The following MAN2A1 variants were observed in gnomAD, a reference collection of about 807,000 sequenced individuals.
MAN2A1 encodes the protein mannosidase alpha class 2A member 1.
MAN2A1 carries 76 observed loss-of-function variants against 142.6 expected under a neutral mutation model. The observed-to-expected ratio is 0.53, with a 90% CI of 0.44 to 0.65. MAN2A1 has a LOEUF of 0.65. Among genes scored for constraint, MAN2A1 ranks in the 30% least tolerant of loss-of-function variants. MAN2A1 has a pLI of 0.00. For missense variants in MAN2A1, 1,311 were observed against 1,365.1 expected (o/e 0.96, Z 0.62); for synonymous variants, 559 against 473.2 (o/e 1.18, Z -2.35).
chr5:109,704,387 T>C (rs929395847), intron 1 of MAN2A1, among the ~76,000 whole-genome samples: 18 of 152,222 alleles, frequency 1.2e-4, no homozygotes, highest in African/African-American at 4.3e-4. Flanking sequence ...TTTCTTTGAA[T>C]GGACAAGTGG....
rs1582787187 is a variant in MAN2A1 at position 109,690,008 on chromosome 5, G to A, written c.-410G>A. On this transcript the variant is annotated 5_prime_UTR_variant, in exon 1 of 22. Coordinates refer to ENST00000261483, the MANE Select transcript of MAN2A1 (RefSeq NM_002372.4). ...ACCCGCGCCTCCCCTGGGTGAGGAG[G>A]ACACGCCTGCCCTCGTCGAGAAAAC... is the stretch of plus-strand genomic sequence containing the variant. 5.1e-6 allele frequency: 1 copy of A among 195,138 alleles called. No homozygotes were observed. Among genetic ancestry groups the A allele is most frequent in the Non-Finnish European group, 1.1e-5 (1 of 93,976 alleles). The allele number at this position is 195,138 out of a possible 1,614,324, so 12.1% of individuals were successfully genotyped here.
chr5:109,812,158 A>G (rs1754337182), intron 12 of MAN2A1, among the ~76,000 whole-genome samples: 1 of 152,140 alleles, frequency 6.6e-6, no homozygotes, highest in South Asian at 2.1e-4. Context: ...TAAACATTTT[A>G]TAATTTAACA....
At chr5:109,807,587 G>C (rs1366148361) in intron 12 of MAN2A1, among the ~76,000 whole-genome samples, 1 of 151,990 alleles carries the variant, frequency 6.6e-6, no homozygotes, top group South Asian at 2.1e-4. Flanking sequence ...CCATCCACTT[G>C]GTTCTGTTGT....
chr5:109,727,132 G>A (rs1197634554), intron 3 of MAN2A1, among the ~76,000 whole-genome samples: 1 of 152,110 alleles, frequency 6.6e-6, no homozygotes, highest in Non-Finnish European at 1.5e-5. Flanking sequence ...TTCTTGGATG[G>A]TAATGACGCT....
intron 15 of MAN2A1, among the ~76,000 whole-genome samples, chr5:109,821,543 C>T (rs1754622859): frequency 6.6e-6 from 1 of 152,112 alleles, no homozygotes; most frequent in South Asian, 2.1e-4. Context: ...ATCCCACCAG[C>T]ATTTTTTGAG....
intron 12 of MAN2A1, among the ~76,000 whole-genome samples, chr5:109,805,825 C>T (rs1226813307): frequency 6.6e-6 from 1 of 152,196 alleles, no homozygotes; most frequent in East Asian, 1.9e-4. Context: ...GAAGAGACTA[C>T]TGTGGACAAT....
chr5:109,832,374 C>T (rs1754934249), intron 16 of MAN2A1, among the ~76,000 whole-genome samples: 1 of 151,650 alleles, frequency 6.6e-6, no homozygotes, highest in African/African-American at 2.4e-5. Context: ...GTGGTGATGA[C>T]TCTTAACGAG....
At chr5:109,763,603 T>G (rs2112640115) in intron 5 of MAN2A1, among the ~76,000 whole-genome samples, 1 of 152,160 alleles carries the variant, frequency 6.6e-6, no homozygotes, top group African/African-American at 2.4e-5. Context: ...TGTGCCATGC[T>G]GGTGTGCTGC....
intron 20 of MAN2A1, chr5:109,863,141 G>A (rs1755797353): frequency 6.6e-6 from 1 of 152,130 alleles, no homozygotes; most frequent in Non-Finnish European, 1.5e-5. Flanking sequence ...AATGCTTTAG[G>A]TTAGTAGTGA....
chr5:109,856,520 G>A (rs918354951), intron 20 of MAN2A1, among the ~76,000 whole-genome samples: 2 of 152,220 alleles, frequency 1.3e-5, no homozygotes, highest in East Asian at 1.9e-4. Context: ...CTTGTAAAGG[G>A]GCCTGTCTTT....
Position 109,784,745 on chromosome 5 carries a change from G to A in MAN2A1, c.1579G>A (p.Ala527Thr). ...MDRIMESHLR[A>T]AEILYYFALR... ...AAAATATGACTTTTATGCAATTAGG[G>A]CTGCTGAAATTCTTTACTATTTCGC... The change falls in exon 10 of 22, where the codon GCT (alanine) becomes ACT (threonine). Residue 527 changes from alanine (A) to threonine (T), a missense_variant and splice_region_variant. Transcript: ENST00000261483. 1.3e-6 allele frequency: 2 copies of A among 1,586,354 alleles called. No individual in the cohort carries two copies. Among genetic ancestry groups the A allele is most frequent in the Non-Finnish European group, 1.7e-6 (2 of 1,169,684 alleles).
intron 4 of MAN2A1, among the ~76,000 whole-genome samples, chr5:109,738,665 T>C (rs1752177706): frequency 6.6e-6 from 1 of 152,188 alleles, no homozygotes; most frequent in South Asian, 2.1e-4. Context: ...CCAATTTTAT[T>C]TGGTTTTTGT....
At chr5:109,753,735 C>T (rs1381141833) in intron 4 of MAN2A1, among the ~76,000 whole-genome samples, 2 of 152,144 alleles carry the variant, frequency 1.3e-5, no homozygotes, top group Admixed American at 6.5e-5. Flanking sequence ...TCTGCTTCAA[C>T]TAAATTTGGC....
chr5:109,752,174 A>C (rs1752564866), intron 4 of MAN2A1, among the ~76,000 whole-genome samples: 2 of 152,054 alleles, frequency 1.3e-5, no homozygotes, highest in Non-Finnish European at 2.9e-5. Context: ...ATACTTTTTC[A>C]TGTGATGTCT....
intron 12 of MAN2A1, among the ~76,000 whole-genome samples, chr5:109,804,706 C>T (rs1344404028): frequency 2.6e-5 from 4 of 152,078 alleles, no homozygotes; most frequent in African/African-American, 9.7e-5. Context: ...TGATGGCTTA[C>T]TAATGTGAAG....
chr5:109,753,605 T>G (rs753123348), intron 4 of MAN2A1, among the ~76,000 whole-genome samples: 1 of 152,346 alleles, frequency 6.6e-6, no homozygotes, highest in Non-Finnish European at 1.5e-5. Flanking sequence ...ATTACGTCCA[T>G]TATCCACTCT....
In MAN2A1 at chr5:109,823,754, G is replaced by T. The variant is rs148637941; in HGVS notation, c.2483G>T (p.Arg828Ile). Reference protein sequence around the residue: ...PYVYTTPPFVRVTHGRIYSEV... With the variant: ...PYVYTTPPFVIVTHGRIYSEV... Reference sequence around the variant, plus strand: ...GTTTACACAACACCGCCCTTTGTCAGAGTGACACATGGAAGGATTTATTCG... The same window carrying T: ...GTTTACACAACACCGCCCTTTGTCATAGTGACACATGGAAGGATTTATTCG... The change falls in exon 16 of 22, where the codon AGA (arginine) becomes ATA (isoleucine). Residue 828 changes from arginine (R) to isoleucine (I), a missense_variant. Physicochemically the swap from Arg to Ile is moderately conservative, Grantham distance 97. Coordinates refer to ENST00000261483, the MANE Select transcript of MAN2A1 (RefSeq NM_002372.4). The T allele has an allele frequency of 1.9e-6, 3 of 1,608,258 alleles. No individual in the cohort carries two copies. Among genetic ancestry groups the T allele is most frequent in the Admixed American group, 3.4e-5 (2 of 59,462 alleles).
rs1280377450 is a variant in MAN2A1, at chr5:109,784,762, C to T, written c.1596C>T (p.Tyr532=). 3 of 1,594,352 alleles carry T rather than the reference C, an allele frequency of 1.9e-6. No homozygotes were observed. The African/African-American group carries it at 4.1e-5, about 22-fold the overall frequency. ...ESHLRAAEIL[Y]YFALRQAHKY... is the part of the protein sequence containing the mutation. ...CAATTAGGGCTGCTGAAATTCTTTA[C>T]TATTTCGCCCTGAGACAAGCTCACA... Residue 532 remains tyrosine (Y), a synonymous_variant, in exon 10 of 22, where the codon TAC becomes TAT. Coordinates refer to ENST00000261483, the MANE Select transcript of MAN2A1 (RefSeq NM_002372.4).
At chr5:109,774,650 C>A in intron 7 of MAN2A1, 138 bp from the exon 8 acceptor site, 2 of 609,684 alleles carry the variant, frequency 3.3e-6, no homozygotes, top group Admixed American at 3.5e-5. Context: ...ACTAACCTTG[C>A]AGATAGATAA....
Sources: allele counts gnomAD v4.1 joint callset (sites outside exome capture counted in the v4.1 genomes callset), GRCh38; gene constraint gnomAD v4.1.1; transcripts MANE v1.5; gene names NCBI Gene and HGNC (gene_info 2026-07-23, HGNC 2026-07-21).